Variants in TOM1L2 observed in about 807,000 individuals in gnomAD.
TOM1L2 encodes TOM1-like protein 2.
Under a neutral mutation model 67.9 loss-of-function variants are expected in TOM1L2, and 31 were observed. The ratio of observed to expected loss-of-function variants is 0.46; its 90% CI spans 0.34 to 0.62. The LOEUF is 0.62. Among genes scored for constraint, TOM1L2 ranks in the 20% least tolerant of loss-of-function variants. The pLI is 0.01. For synonymous variants in TOM1L2, 256 were observed against 254.0 expected, an observed-to-expected ratio of 1.01 and a Z score of -0.07; for missense variants, 606 against 663.5, an observed-to-expected ratio of 0.91 and a Z score of 0.95.
intron 1 of TOM1L2, among the ~76,000 whole-genome samples, chr17:17,927,642 GATA>G (rs2040149122): frequency 6.6e-6 from 1 of 151,388 alleles, no homozygotes; most frequent in Admixed American, 6.6e-5. Context: ...TTTTAGATAT[GATA>G]ATAAGCTGTT....
chr17:17,948,149 T>A (rs192963602), intron 1 of TOM1L2, among the ~76,000 whole-genome samples: 5 of 152,328 alleles, frequency 3.3e-5, no homozygotes, highest in African/African-American at 1.2e-4. Flanking sequence ...TTAAGTTCCT[T>A]AGTCAAATAG....
intron 13 of TOM1L2, among the ~76,000 whole-genome samples, chr17:17,849,724 G>A (rs1405350150): frequency 6.6e-6 from 1 of 152,194 alleles, no homozygotes; most frequent in Non-Finnish European, 1.5e-5. Context: ...CTCTACCACT[G>A]ACCTGCTATG....
chr17:17,961,263 G>GA (rs980243227), intron 1 of TOM1L2, among the ~76,000 whole-genome samples: 48 of 150,448 alleles, frequency 3.2e-4, no homozygotes, highest in African/African-American at 9.3e-4. Flanking sequence ...CTACTATAAA[G>GA]AAAAAAAAAT....
At chr17:17,923,402 AAAC>A (rs969029161) in intron 1 of TOM1L2, among the ~76,000 whole-genome samples, 9 of 152,162 alleles carry the variant, frequency 5.9e-5, no homozygotes, top group South Asian at 2.1e-4. Flanking sequence ...ACTCCATCTC[AAAC>A]AACAACAACA....
Position 17,865,742 on chromosome 17 carries a change from C to CT in TOM1L2, c.1084+553dup, listed in dbSNP as rs35408977. On this transcript the variant is annotated intron_variant, in intron 10 of 14. Coordinates refer to ENST00000379504, the MANE Select transcript of TOM1L2 (RefSeq NM_001082968.2). ...ATATAAAACATGGCAGGTGACCTTT[C>CT]TTTTTTTTTTTTTTTTTTTTGAGAC... Among the ~76,000 whole-genome samples, 749 of 103,520 alleles carry CT rather than the reference C, an allele frequency of 7.2e-3. 9 individuals are homozygous for CT. Among genetic ancestry groups the CT allele is most frequent in the Middle Eastern group, 0.014 (2 of 140 alleles). The allele number at this position is 103,520 out of a possible 152,430, so 67.9% of individuals were successfully genotyped here.
At chr17:17,944,081 G>A (rs1297693970) in intron 1 of TOM1L2, among the ~76,000 whole-genome samples, 1 of 152,212 alleles carries the variant, frequency 6.6e-6, no homozygotes, top group African/African-American at 2.4e-5. Flanking sequence ...ATGAGAAGGT[G>A]GGCTCTAGGG....
chr17:17,866,923 A>T lies in TOM1L2; in HGVS notation c.913T>A (p.Phe305Ile), dbSNP rs2036879817. ...GATCGGCCAGACCTGTATCGTTCGAACCTAACAGGGGAAGGGAAAGCAGAA... is the reference window on the plus strand; with the variant it reads ...GATCGGCCAGACCTGTATCGTTCGATCCTAACAGGGGAAGGGAAAGCAGAA... ...LNNVFLRYER[F>I]ERYRSGRSVQ... The change falls in exon 9 of 15, where the codon TTC becomes ATC. Residue 305 changes from phenylalanine to isoleucine, a missense_variant and splice_region_variant. By Grantham distance (21) the Phe-to-Ile change is conservative (BLOSUM62 0). Coordinates refer to ENST00000379504, the MANE Select transcript of TOM1L2 (RefSeq NM_001082968.2). 1.2e-6 allele frequency: 2 copies of T among 1,613,832 alleles called. No homozygotes were observed. The highest frequency in any genetic ancestry group is 1.7e-6 in the Non-Finnish European group (2 of 1,179,940).
chr17:17,939,531 A>G (rs1191505671), intron 1 of TOM1L2, among the ~76,000 whole-genome samples: 1 of 152,232 alleles, frequency 6.6e-6, no homozygotes, highest in Admixed American at 6.5e-5. Flanking sequence ...ATATGCTGAA[A>G]TAATATGATT....
At chr17:17,857,892 G>A (rs2036333317) in intron 12 of TOM1L2, 2 of 1,503,748 alleles carry the variant, frequency 1.3e-6, no homozygotes, top group African/African-American at 2.8e-5. Flanking sequence ...CCATGAGAAA[G>A]AAGTCAATAG....
intron 1 of TOM1L2, among the ~76,000 whole-genome samples, chr17:17,916,736 T>C (rs1392590488): frequency 6.6e-6 from 1 of 152,178 alleles, no homozygotes; most frequent in Non-Finnish European, 1.5e-5. Flanking sequence ...TTAAAGGTTG[T>C]TTAGGGCCAG....
At chr17:17,953,836 A>G (rs1474142171) in intron 1 of TOM1L2, among the ~76,000 whole-genome samples, 2 of 152,224 alleles carry the variant, frequency 1.3e-5, no homozygotes, top group Admixed American at 6.5e-5. Flanking sequence ...TTGAAAGAAC[A>G]CAGCACAGTC....
At chr17:17,871,200 C>T (rs1478541638) in intron 7 of TOM1L2, among the ~76,000 whole-genome samples, 2 of 142,094 alleles carry the variant, frequency 1.4e-5, no homozygotes, top group African/African-American at 6.2e-5. Context: ...GAAACCCCGT[C>T]TCTACTAAAA....
intron 4 of TOM1L2, among the ~76,000 whole-genome samples, 178 bp from the exon 5 acceptor site, chr17:17,884,946 G>A (rs2037921140): frequency 6.6e-6 from 1 of 152,224 alleles, no homozygotes; most frequent in African/African-American, 2.4e-5. Context: ...GACACAGCTG[G>A]TGAAACCCTG....
chr17:17,962,566 G>A (rs1026369950), intron 1 of TOM1L2, among the ~76,000 whole-genome samples: 2 of 151,900 alleles, frequency 1.3e-5, no homozygotes, highest in Admixed American at 6.6e-5. Flanking sequence ...CACCCGCCTC[G>A]GCCTCCCAAA....
At chr17:17,930,062 C>T (rs2040262915) in intron 1 of TOM1L2, among the ~76,000 whole-genome samples, 1 of 152,200 alleles carries the variant, frequency 6.6e-6, no homozygotes. Flanking sequence ...GGTTAAGACA[C>T]TCCATTCCAA....
chr17:17,866,967 T>C (rs1432644935), intron 8 of TOM1L2, 43 bp from the exon 9 acceptor site: 3 of 1,596,012 alleles, frequency 1.9e-6, no homozygotes, highest in Admixed American at 3.3e-5. Flanking sequence ...AGAGGATGCC[T>C]GTGATATGGC....
chr17:17,898,796 A>G (rs1304460010), intron 2 of TOM1L2, 122 bp from the exon 3 acceptor site: 1 of 902,722 alleles, frequency 1.1e-6, no homozygotes, highest in Non-Finnish European at 1.8e-6. Context: ...TGTAAATGTA[A>G]AAGACTGGGA....
chr17:17,953,029 C>T (rs545718479), intron 1 of TOM1L2, among the ~76,000 whole-genome samples: 9 of 152,300 alleles, frequency 5.9e-5, no homozygotes, highest in African/African-American at 2.2e-4. Context: ...GGTCCCCACC[C>T]CTTCATTTGG....
At chr17:17,900,252 G>C (rs1219874735) in intron 2 of TOM1L2, among the ~76,000 whole-genome samples, 1 of 151,368 alleles carries the variant, frequency 6.6e-6, no homozygotes, top group Admixed American at 6.6e-5. Flanking sequence ...CAGCATTATG[G>C]CTCATTCCTG....
Sources: allele counts gnomAD v4.1 joint callset (sites outside exome capture counted in the v4.1 genomes callset), GRCh38; gene constraint gnomAD v4.1.1; transcripts MANE v1.5; gene names NCBI Gene and HGNC (gene_info 2026-07-23, HGNC 2026-07-21).